The following BCKDHA variants were observed in gnomAD, a reference collection of about 807,000 sequenced individuals.
The protein encoded by BCKDHA is branched chain keto acid dehydrogenase E1 subunit alpha, also known as 2-oxoisovalerate dehydrogenase subunit alpha, mitochondrial.
Under a neutral mutation model 52.2 loss-of-function variants are expected in BCKDHA, and 43 were observed. The observed-to-expected ratio is 0.82, with a 90% confidence interval of 0.64 to 1.06. The LOEUF (loss-of-function observed/expected upper bound fraction) is 1.06, where lower values mean the gene tolerates loss of function less well. BCKDHA is among the 50% of genes least tolerant of loss of function. The probability of loss-of-function intolerance (pLI) is 0.00; values close to 1 mark genes in which losing one functional copy is unlikely to be tolerated. For synonymous variants in BCKDHA, 234 were observed against 247.9 expected (o/e 0.94, Z 0.53); for missense variants, 527 against 621.3 (o/e 0.85, Z 1.61).
chr19:41,422,892 C>G, intron 7 of BCKDHA, 106 bp from the exon 8 acceptor site: 1 of 1,578,218 alleles, frequency 6.3e-7, no homozygotes, highest in South Asian at 1.1e-5. Context: ...TCCCCCTTGC[C>G]TTTATTCCGT....
chr19:41,419,369 T>A, intron 5 of BCKDHA, 73 bp downstream of exon 5: 1 of 1,536,430 alleles, frequency 6.5e-7, no homozygotes, highest in Admixed American at 1.9e-5. Flanking sequence ...TCAGCTCTTT[T>A]GCCTGCCTTC....
chr19:41,423,072 A>G lies in BCKDHA; in HGVS notation c.1070A>G (p.Gln357Arg), dbSNP rs185688419. 218 of 1,592,056 alleles carry G rather than the reference A, an allele frequency of 1.4e-4. 1 individual carries two copies. In the East Asian group the frequency reaches 4.9e-3, roughly 36 times the overall value. The stretch of plus-strand genomic sequence containing the variant: ...GATGAGGTCAATTACTGGGATAAAC[A>G]GGACCACCCCATCTCCCGGCTGCGG... ...SVDEVNYWDK[Q>R]DHPISRLRHY... The change falls in exon 8 of 9, where the codon CAG becomes CGG. Residue 357 changes from glutamine (Q) to arginine (R), a missense_variant. By Grantham distance (43) the Gln-to-Arg change is conservative. Transcript: ENST00000269980.
At chr19:41,409,218 A>G (rs1475342348) in intron 1 of BCKDHA, among the ~76,000 whole-genome samples, 1 of 152,068 alleles carries the variant, frequency 6.6e-6, no homozygotes, top group Admixed American at 6.5e-5. Flanking sequence ...GTGCCTGGCC[A>G]CTTTTTGTCT....
chr19:41,412,376 A>ATTTATTTTTTTTTTTTTTTT (rs1199996566), intron 3 of BCKDHA, among the ~76,000 whole-genome samples: 4 of 46,388 alleles, frequency 8.6e-5, no homozygotes, highest in African/African-American at 4.3e-4. Flanking sequence ...GTCTGTAGAT[A>ATTTATTTTTTTTTTTTTTTT]TTTCTTTTTT....
chr19:41,419,323 A>G, intron 5 of BCKDHA, 27 bp downstream of exon 5: 1 of 1,598,522 alleles, frequency 6.3e-7, no homozygotes, highest in Non-Finnish European at 8.5e-7. Context: ...TGTACCTTGC[A>G]CATGTGCAGA....
intron 3 of BCKDHA, among the ~76,000 whole-genome samples, chr19:41,412,380 C>CTTTTTCTTTTTTTTTTTTT (rs2039263507): frequency 1.5e-5 from 1 of 65,864 alleles, no homozygotes; most frequent in Non-Finnish European, 3.1e-5. Flanking sequence ...GTAGATATTT[C>CTTTTTCTTTTTTTTTTTTT]TTTTTTTTTT....
chr19:41,411,114 G>GA lies in BCKDHA; in HGVS notation c.375+105_375+106insA, dbSNP rs1599953473. ...CCCAAGGAGGACAGATTCTTTTTTGGGGGGGTTCCATAGAGTTCTGAGGGT... is the reference window on the plus strand; with the variant it reads ...CCCAAGGAGGACAGATTCTTTTTTGGAGGGGGTTCCATAGAGTTCTGAGGGT... On this transcript the variant is annotated intron_variant, in intron 3 of 8. Coordinates refer to ENST00000269980, the MANE Select transcript of BCKDHA (RefSeq NM_000709.4). 4.6e-6 allele frequency: 6 copies of GA among 1,297,124 alleles called. No homozygotes were observed. The East Asian group carries it at 1.4e-4, about 30-fold the overall frequency. 80.4% of individuals were successfully genotyped at this position (1,297,124 alleles called of 1,614,324 possible).
At chr19:41,418,184 A>G (rs183938405) in intron 4 of BCKDHA, among the ~76,000 whole-genome samples, 1 of 151,938 alleles carries the variant, frequency 6.6e-6, no homozygotes, top group Admixed American at 6.6e-5. Flanking sequence ...GCGGTAAAGA[A>G]AGGATTTGGA....
At chr19:41,421,764 G>T (rs952668424) in intron 5 of BCKDHA, among the ~76,000 whole-genome samples, 1 of 152,082 alleles carries the variant, frequency 6.6e-6, no homozygotes, top group Non-Finnish European at 1.5e-5. Context: ...CATGGAATCC[G>T]CGGGCTGCCC....
intron 3 of BCKDHA, among the ~76,000 whole-genome samples, chr19:41,411,981 G>A (rs2039258618): frequency 1.3e-5 from 2 of 152,204 alleles, no homozygotes; most frequent in African/African-American, 4.8e-5. Context: ...CCAGGCCTGG[G>A]AACACATGGA....
In BCKDHA at chr19:41,419,127, C is replaced by T. The variant is rs1458116303; in HGVS notation, c.485-8C>T. The T allele has an allele frequency of 6.2e-7, 1 of 1,614,042 alleles. No homozygotes were observed. The highest frequency in any genetic ancestry group is 2.2e-5 in the East Asian group (1 of 44,882). Reference sequence around the variant, plus strand: ...CACTCGGCTAACCATTGCCTCCTCCCCTCCTAGGTGTGCTGATGTATCGGG... The same window carrying T: ...CACTCGGCTAACCATTGCCTCCTCCTCTCCTAGGTGTGCTGATGTATCGGG... On this transcript the variant is annotated splice_region_variant and splice_polypyrimidine_tract_variant and intron_variant, in intron 4 of 8. Coordinates refer to ENST00000269980, the MANE Select transcript of BCKDHA (RefSeq NM_000709.4).
chr19:41,414,275 C>A, intron 4 of BCKDHA, 118 bp downstream of exon 4: 2 of 1,036,782 alleles, frequency 1.9e-6, no homozygotes, highest in Non-Finnish European at 2.9e-6. Flanking sequence ...GGAAGAAGAG[C>A]TTTCCAAGCA....
intron 8 of BCKDHA, 80 bp from the exon 9 acceptor site, chr19:41,424,358 C>T: frequency 6.5e-7 from 1 of 1,540,566 alleles, no homozygotes; most frequent in Admixed American, 1.7e-5. Context: ...GTGGTTAATT[C>T]CTTGCCAAGG....
chr19:41,422,550 C>A (rs1474667709), intron 6 of BCKDHA, 79 bp from the exon 7 acceptor site: 1 of 1,603,980 alleles, frequency 6.2e-7, no homozygotes. Flanking sequence ...TCTCTGTCCT[C>A]TCCCTGCTCG....
chr19:41,406,441 A>G lies in BCKDHA; in HGVS notation c.109-4196A>G, dbSNP rs540684780. On this transcript the variant is annotated intron_variant, in intron 1 of 8. Transcript: ENST00000269980. ...GAGACAGGGTATCACTTTGTTGCCC[A>G]GGCTGGAGTGCAATGGTGCAGTCAT... 1.7e-3 allele frequency among the ~76,000 whole-genome samples: 259 copies of G among 152,276 alleles called. 1 individual carries two copies. Among genetic ancestry groups the G allele is most frequent in the Middle Eastern group, 0.01 (3 of 294 alleles).
intron 1 of BCKDHA, 83 bp from the exon 2 acceptor site, chr19:41,410,554 C>CGCCT: frequency 3.3e-6 from 5 of 1,508,522 alleles, no homozygotes; most frequent in Non-Finnish European, 4.5e-6. Context: ...ACCACCATGC[C>CGCCT]GCCTGCCTGC....
rs1568509587 is a variant in BCKDHA at position 41,424,833 on chromosome 19, T to G, written c.*225T>G. On this transcript the variant is annotated 3_prime_UTR_variant, in exon 9 of 9. Coordinates refer to ENST00000269980, the MANE Select transcript of BCKDHA (RefSeq NM_000709.4). ...TTGCTGAGGCTCCGTCAGCCCCCTC[T>G]TCACCTGTTGTTACAGTGCCTTCTC... The G allele has an allele frequency of 1.9e-6, 1 of 536,286 alleles. No homozygotes were observed. Among genetic ancestry groups the G allele is most frequent in the Non-Finnish European group, 3.3e-6 (1 of 305,598 alleles). The allele number at this position is 536,286 out of a possible 1,614,324, so 33.2% of individuals were successfully genotyped here. A position where few individuals can be genotyped will look rare whatever the true frequency, so the allele number is the denominator to read the frequency against.
chr19:41,407,740 C>T (rs980901204), intron 1 of BCKDHA, among the ~76,000 whole-genome samples: 4 of 152,266 alleles, frequency 2.6e-5, no homozygotes, highest in Non-Finnish European at 5.9e-5. Flanking sequence ...CATTTGAGCA[C>T]GCATGTGTGA....
intron 4 of BCKDHA, among the ~76,000 whole-genome samples, chr19:41,415,680 G>A (rs1399086401): frequency 6.0e-5 from 9 of 150,268 alleles, no homozygotes; most frequent in East Asian, 3.9e-4. Context: ...ATGGAATCTC[G>A]CTCTGTTGCC....
Sources: allele counts gnomAD v4.1 joint callset (sites outside exome capture counted in the v4.1 genomes callset), GRCh38; gene constraint gnomAD v4.1.1; transcripts MANE v1.5; gene names NCBI Gene and HGNC (gene_info 2026-07-23, HGNC 2026-07-21).